Variants in CFTR observed in about 807,000 individuals in gnomAD.
The protein encoded by CFTR is CF transmembrane conductance regulator, also known as cystic fibrosis transmembrane conductance regulator.
A neutral mutation model predicts 171.6 loss-of-function variants in CFTR; 181 were observed. The observed-to-expected ratio is 1.05, with a 90% CI of 0.93 to 1.19. The LOEUF is 1.19. Ranked by LOEUF, CFTR falls within the 50% of genes most tolerant of loss-of-function variation. The probability of loss-of-function intolerance (pLI) is 0.00; values close to 1 mark genes in which losing one functional copy is unlikely to be tolerated. For synonymous variants in CFTR, 583 were observed against 608.0 expected, an observed-to-expected ratio of 0.96 and a Z score of 0.60; for missense variants, 1,968 against 1,734.7, an observed-to-expected ratio of 1.13 and a Z score of -2.39.
At position 117,483,469 on chromosome 7, in the gene CFTR, T is replaced by C. The variant is rs568997289; in HGVS notation, c.53+3322T>C. Among the ~76,000 whole-genome samples the C allele has an allele frequency of 6.6e-5, 10 of 152,310 alleles. No homozygotes were observed. The South Asian group carries it at 2.1e-3, about 32-fold the overall frequency. On this transcript the variant is annotated intron_variant, in intron 1 of 26. Transcript: ENST00000003084. ...ACTCTGAAAATATAAAGATTTTTCATCATAATTTCCTTTGTTAACAGCCAA... is the reference window on the plus strand; with the variant it reads ...ACTCTGAAAATATAAAGATTTTTCACCATAATTTCCTTTGTTAACAGCCAA...
chr7:117,636,486 C>CT (rs925509448), intron 22 of CFTR, among the ~76,000 whole-genome samples: 4 of 151,624 alleles, frequency 2.6e-5, no homozygotes, highest in South Asian at 4.2e-4. Flanking sequence ...TTCTTCTGTT[C>CT]TTTTTTTTCC....
chr7:117,540,047 A>G, intron 7 of CFTR, 53 bp from the exon 8 acceptor site: 2 of 1,477,734 alleles, frequency 1.4e-6, no homozygotes, highest in Non-Finnish European at 1.9e-6. Flanking sequence ...AAGATCCCTG[A>G]TATTTGAAAA....
chr7:117,519,029 C>A (rs1584780396), intron 3 of CFTR, among the ~76,000 whole-genome samples: 2 of 151,974 alleles, frequency 1.3e-5, no homozygotes, highest in East Asian at 3.8e-4. Context: ...AAGAATATAG[C>A]TTAGATTTCT....
rs397508438 is a variant in CFTR at position 117,603,682 on chromosome 7, A to G, written c.2808A>G (p.Pro936=). The G allele has an allele frequency of 1.9e-6, 3 of 1,613,994 alleles. No individual in the cohort carries two copies. The African/African-American group carries it at 4.0e-5, about 22-fold the overall frequency. The change falls in exon 17 of 27, where the codon CCA becomes CCG. Residue 936 remains proline, a synonymous_variant. Transcript: ENST00000003084. ...CTATGGGATTCTTCAGAGGTCTACC[A>G]CTGGTGCATACTCTAATCACAGTGT... ...LLAMGFFRGL[P]LVHTLITVSK...
At chr7:117,564,303 C>A (rs1165823464) in intron 11 of CFTR, among the ~76,000 whole-genome samples, 1 of 152,112 alleles carries the variant, frequency 6.6e-6, no homozygotes, top group African/African-American at 2.4e-5. Flanking sequence ...TGAAAGTGCT[C>A]GGTTATCTTG....
rs1160934267 is a variant in CFTR at position 117,586,650 on chromosome 7, A to G, written c.1585-1089A>G. Among the ~76,000 whole-genome samples, 3 of 152,166 alleles carry G rather than the reference A, an allele frequency of 2.0e-5. No individual in the cohort carries two copies. In the East Asian group the frequency reaches 5.8e-4, roughly 29 times the overall value. On this transcript the variant is annotated intron_variant, in intron 11 of 26. Transcript: ENST00000003084. ...TTTTGATACTTTAGATATAGATAAT[A>G]TTGGATTATTTCTGGATTGTGAAAG...
intron 15 of CFTR, among the ~76,000 whole-genome samples, chr7:117,602,053 A>G (rs1207246560): frequency 6.6e-6 from 1 of 151,920 alleles, no homozygotes; most frequent in African/African-American, 2.4e-5. Flanking sequence ...TTTTTTTAAG[A>G]CAATCTCACT....
At chr7:117,663,118 A>G (rs1299045183) in intron 24 of CFTR, among the ~76,000 whole-genome samples, 1 of 152,194 alleles carries the variant, frequency 6.6e-6, no homozygotes, top group Non-Finnish European at 1.5e-5. Flanking sequence ...CAGATGTTGA[A>G]TGATAGCTAA....
intron 1 of CFTR, among the ~76,000 whole-genome samples, chr7:117,497,748 T>G (rs1316744981): frequency 6.6e-6 from 1 of 152,192 alleles, no homozygotes; most frequent in Admixed American, 6.5e-5. Context: ...TTATAGAAAA[T>G]TAATATTGAT....
chr7:117,551,376 T>C (rs1799267832), intron 10 of CFTR, among the ~76,000 whole-genome samples: 1 of 152,254 alleles, frequency 6.6e-6, no homozygotes, highest in Non-Finnish European at 1.5e-5. Flanking sequence ...AAATCATATG[T>C]ATGTATATAT....
At chr7:117,653,411 C>A (rs920688388) in intron 24 of CFTR, among the ~76,000 whole-genome samples, 1 of 152,102 alleles carries the variant, frequency 6.6e-6, no homozygotes. Context: ...TTTGCTGTCT[C>A]GTGAGAGCAT....
intron 15 of CFTR, among the ~76,000 whole-genome samples, chr7:117,595,989 A>C (rs1455990048): frequency 6.6e-6 from 1 of 152,262 alleles, no homozygotes; most frequent in Non-Finnish European, 1.5e-5. Flanking sequence ...GCATGCTGGC[A>C]GTCCTGGCAG....
intron 11 of CFTR, among the ~76,000 whole-genome samples, chr7:117,561,108 C>T (rs1188256323): frequency 6.6e-6 from 1 of 152,030 alleles, no homozygotes; most frequent in Non-Finnish European, 1.5e-5. Flanking sequence ...CTGTGGGTCT[C>T]TCATTCTCAA....
chr7:117,504,580 G>A (rs1798385480), intron 2 of CFTR, among the ~76,000 whole-genome samples: 1 of 151,830 alleles, frequency 6.6e-6, no homozygotes, highest in African/African-American at 2.4e-5. Context: ...ATAGCAAGAT[G>A]TTATCTCTAC....
At chr7:117,554,276 A>C (rs1312063742) in intron 10 of CFTR, among the ~76,000 whole-genome samples, 1 of 152,164 alleles carries the variant, frequency 6.6e-6, no homozygotes, top group African/African-American at 2.4e-5. Context: ...GTAGGAAGTG[A>C]TCAGATTCAG....
intron 10 of CFTR, among the ~76,000 whole-genome samples, chr7:117,553,705 T>C (rs1281893659): frequency 6.6e-6 from 1 of 152,206 alleles, no homozygotes; most frequent in Non-Finnish European, 1.5e-5. Flanking sequence ...TCTCTCTATA[T>C]AAAGTGATCC....
intron 22 of CFTR, among the ~76,000 whole-genome samples, chr7:117,631,226 T>A (rs1712773154): frequency 6.6e-6 from 1 of 152,172 alleles, no homozygotes; most frequent in Non-Finnish European, 1.5e-5. Context: ...ATTTGGTTCC[T>A]GGTACAGAGC....
chr7:117,640,535 C>T lies in CFTR; in HGVS notation c.3718-1903C>T, dbSNP rs74533335. Among the ~76,000 whole-genome samples the T allele has an allele frequency of 1.9e-3, 296 of 152,260 alleles. 1 individual carries two copies. Among genetic ancestry groups the T allele is most frequent in the African/African-American group, 7.0e-3 (292 of 41,574 alleles). ...ACAAGGATTTAGACCTCAAGCACTT[C>T]TTACCAAAATTCTTGATATGACCTT... On this transcript the variant is annotated intron_variant, in intron 22 of 26. Transcript: ENST00000003084.
intron 3 of CFTR, among the ~76,000 whole-genome samples, chr7:117,510,540 C>T (rs1462274863): frequency 1.3e-5 from 2 of 152,162 alleles, no homozygotes; most frequent in Non-Finnish European, 2.9e-5. Context: ...TGGTTGTGTT[C>T]TCCATTGCAT....
Sources: gnomAD v4.1 joint callset for allele counts (sites outside exome capture counted in the v4.1 genomes callset) on GRCh38, gnomAD v4.1.1 for gene constraint, MANE v1.5 for transcripts, NCBI Gene and HGNC (gene_info 2026-07-23, HGNC 2026-07-21) for gene names.